The following CNTN5 variants were observed in gnomAD, a reference collection of about 807,000 sequenced individuals.
CNTN5 encodes contactin-5.
In CNTN5, 77 loss-of-function variants were observed where a neutral mutation model predicts 129.1. The observed-to-expected ratio is 0.60, with a 90% CI of 0.50 to 0.72. The LOEUF is 0.72. Ranked by LOEUF, CNTN5 falls within the 30% of genes least tolerant of loss-of-function variation. The pLI, the probability that CNTN5 is intolerant of heterozygous loss-of-function variation, is 0.00. For missense variants in CNTN5, 1,478 were observed against 1,328.8 expected, an observed-to-expected ratio of 1.11 and a Z score of -1.75; for synonymous variants, 509 against 465.6, an observed-to-expected ratio of 1.09 and a Z score of -1.20.
At chr11:100,172,228 T>C (rs914977365) in intron 13 of CNTN5, among the ~76,000 whole-genome samples, 4 of 151,844 alleles carry the variant, frequency 2.6e-5, no homozygotes, top group Non-Finnish European at 5.9e-5. Flanking sequence ...CACCCAACTG[T>C]AGTTAGATAG....
intron 3 of CNTN5, among the ~76,000 whole-genome samples, chr11:99,722,297 A>G (rs535049880): frequency 6.6e-6 from 1 of 152,336 alleles, no homozygotes; most frequent in African/African-American, 2.4e-5. Context: ...AATGCTATGC[A>G]GCCATAACAA....
intron 2 of CNTN5, among the ~76,000 whole-genome samples, chr11:99,435,984 ACT>A (rs1357549997): frequency 6.6e-6 from 1 of 152,172 alleles, no homozygotes; most frequent in African/African-American, 2.4e-5. Context: ...CTTTGAAATG[ACT>A]CATAATTTTA....
At chr11:99,150,935 TTTTC>T (rs1402972593) in intron 1 of CNTN5, among the ~76,000 whole-genome samples, 1 of 152,072 alleles carries the variant, frequency 6.6e-6, no homozygotes, top group Non-Finnish European at 1.5e-5. Flanking sequence ...GAAATTAATG[TTTTC>T]TTTCTTACTG....
At chr11:99,347,628 A>C (rs971936184) in intron 2 of CNTN5, among the ~76,000 whole-genome samples, 2 of 152,174 alleles carry the variant, frequency 1.3e-5, no homozygotes, top group Non-Finnish European at 2.9e-5. Context: ...TAATGGAAAA[A>C]TAAGAAGGGA....
At position 99,911,934 on chromosome 11, in the gene CNTN5, A is replaced by G. The variant is rs1232422544; in HGVS notation, c.578-4120A>G. Among the ~76,000 whole-genome samples, 3 of 151,978 alleles carry G rather than the reference A, an allele frequency of 2.0e-5. No individual in the cohort carries two copies. The East Asian group carries it at 5.8e-4, about 29-fold the overall frequency. Reference sequence around the variant, plus strand: ...TGTAGCCAACTTCCAATAATTTACAACAATATATAGTGTATATTCCTAAAT... The same window carrying G: ...TGTAGCCAACTTCCAATAATTTACAGCAATATATAGTGTATATTCCTAAAT... On this transcript the variant is annotated intron_variant, in intron 6 of 24. Transcript: ENST00000524871.
chr11:99,575,232 C>T (rs181971654), intron 3 of CNTN5, among the ~76,000 whole-genome samples: 3 of 151,890 alleles, frequency 2.0e-5, no homozygotes, highest in Admixed American at 1.3e-4. Context: ...AAATAGAATC[C>T]CCCTTAAATA....
At chr11:99,495,664 C>G (rs1369268873) in intron 2 of CNTN5, among the ~76,000 whole-genome samples, 1 of 152,064 alleles carries the variant, frequency 6.6e-6, no homozygotes, top group Non-Finnish European at 1.5e-5. Context: ...GTAATGAAGG[C>G]TTTCTGGAAG....
intron 13 of CNTN5, among the ~76,000 whole-genome samples, chr11:100,126,129 A>T (rs74866117): frequency 3.3e-5 from 5 of 152,136 alleles, no homozygotes; most frequent in South Asian, 2.1e-4. Context: ...TCTTCTTGGT[A>T]TTGGTTTACA....
At chr11:99,144,303 A>T (rs559901016) in intron 1 of CNTN5, among the ~76,000 whole-genome samples, 22 of 152,344 alleles carry the variant, frequency 1.4e-4, no homozygotes, top group African/African-American at 5.3e-4. Flanking sequence ...AGGAAATAAC[A>T]TAAGAAGTGG....
intron 4 of CNTN5, among the ~76,000 whole-genome samples, chr11:99,842,447 A>G (rs2135682211): frequency 6.6e-6 from 1 of 152,348 alleles, no homozygotes; most frequent in African/African-American, 2.4e-5. Context: ...CTAATACTGT[A>G]AAGTAGGCAT....
At chr11:100,205,855 G>A (rs1272448116) in intron 15 of CNTN5, among the ~76,000 whole-genome samples, 1 of 152,002 alleles carries the variant, frequency 6.6e-6, no homozygotes, top group African/African-American at 2.4e-5. Context: ...GTGCTATGCT[G>A]TCCTGAAACC....
intron 3 of CNTN5, among the ~76,000 whole-genome samples, chr11:99,642,744 A>G (rs939120893): frequency 6.6e-6 from 1 of 151,956 alleles, no homozygotes; most frequent in African/African-American, 2.4e-5. Flanking sequence ...ACCTTTCTCC[A>G]TCCTCTTCTC....
chr11:99,561,709 C>G (rs997833456), intron 3 of CNTN5, among the ~76,000 whole-genome samples: 3 of 646 alleles, frequency 4.6e-3, no homozygotes, highest in African/African-American at 6.1e-3. Context: ...TTTTCCTCCC[C>G]AAAACCTATA....
chr11:99,931,052 C>A (rs564941980), intron 7 of CNTN5, among the ~76,000 whole-genome samples: 1 of 152,196 alleles, frequency 6.6e-6, no homozygotes, highest in South Asian at 2.1e-4. Context: ...ACTGTGTTGT[C>A]CATTGAAGCA....
chr11:100,107,681 G>A lies in CNTN5; in HGVS notation c.1580+33387G>A, dbSNP rs568250987. On this transcript the variant is annotated intron_variant, in intron 13 of 24. Transcript: ENST00000524871. Reference sequence around the variant, plus strand: ...TCATTGGATAGTTGATAATTGCACTGCTTTTCCTCCATATCACCACAAATT... The same window carrying A: ...TCATTGGATAGTTGATAATTGCACTACTTTTCCTCCATATCACCACAAATT... 2.6e-4 allele frequency among the ~76,000 whole-genome samples: 40 copies of A among 151,982 alleles called. No individual in the cohort carries two copies. In the South Asian group the frequency reaches 7.7e-3, roughly 29 times the overall value.
At chr11:99,253,207 T>TG (rs528906279) in intron 1 of CNTN5, among the ~76,000 whole-genome samples, 257 of 152,210 alleles carry the variant, frequency 1.7e-3, no homozygotes, top group Non-Finnish European at 3.2e-3. Context: ...TTTTATAAAT[T>TG]GGAGTTCCCC....
At chr11:99,714,621 T>C (rs572156943) in intron 3 of CNTN5, among the ~76,000 whole-genome samples, 190 of 152,066 alleles carry the variant, frequency 1.2e-3, no homozygotes, top group African/African-American at 4.3e-3. Flanking sequence ...GATTTTATTA[T>C]ACATTTTTAA....
intron 3 of CNTN5, among the ~76,000 whole-genome samples, chr11:99,644,942 A>G (rs1009076042): frequency 1.3e-5 from 2 of 151,920 alleles, no homozygotes; most frequent in African/African-American, 2.4e-5. Flanking sequence ...CCAAACTTTA[A>G]CATTAAGAAA....
intron 3 of CNTN5, among the ~76,000 whole-genome samples, chr11:99,751,961 A>G (rs1057075788): frequency 2.6e-5 from 4 of 152,150 alleles, no homozygotes; most frequent in African/African-American, 9.7e-5. Context: ...CTTAGGATGT[A>G]GTCTTCAAAG....
Sources: gnomAD v4.1 joint callset for allele counts (sites outside exome capture counted in the v4.1 genomes callset) on GRCh38, gnomAD v4.1.1 for gene constraint, MANE v1.5 for transcripts, NCBI Gene and HGNC (gene_info 2026-07-23, HGNC 2026-07-21) for gene names.